ASAP1: variants seen among roughly 807,000 people sequenced by gnomAD.
The protein encoded by ASAP1 is arf-GAP with SH3 domain, ANK repeat and PH domain-containing protein 1.
Under a neutral mutation model 145.2 loss-of-function variants are expected in ASAP1, and 43 were observed. That is an observed-to-expected ratio of 0.30 (90% CI 0.23 to 0.38). The LOEUF (loss-of-function observed/expected upper bound fraction) is 0.38, where lower values mean the gene tolerates loss of function less well. Ranked by LOEUF, ASAP1 falls within the 10% of genes least tolerant of loss-of-function variation. The probability of loss-of-function intolerance (pLI) is 1.00; values close to 1 mark genes in which losing one functional copy is unlikely to be tolerated. For missense variants in ASAP1, 1,018 were observed against 1,355.3 expected, an observed-to-expected ratio of 0.75 and a Z score of 3.91; for synonymous variants, 546 against 515.5, an observed-to-expected ratio of 1.06 and a Z score of -0.80.
chr8:130,159,979 C>G lies in ASAP1; in HGVS notation c.910-15G>C. The G allele has an allele frequency of 2.5e-6, 4 of 1,605,894 alleles. No homozygotes were observed. Among genetic ancestry groups the G allele is most frequent in the Non-Finnish European group, 3.4e-6 (4 of 1,172,586 alleles). ...CTCTGAGAATCCTAGGAAAGAAAAA[C>G]TACAGATTAAACAAAAACTAGAGAC... On this transcript the variant is annotated splice_polypyrimidine_tract_variant and intron_variant, in intron 11 of 29. Transcript: ENST00000518721.
intron 1 of ASAP1, among the ~76,000 whole-genome samples, chr8:130,411,049 C>T (rs1218448813): frequency 7.2e-5 from 11 of 152,126 alleles, no homozygotes; most frequent in African/African-American, 9.7e-5. Flanking sequence ...TGAGTAGAGA[C>T]GGGGTTTTGC....
intron 3 of ASAP1, among the ~76,000 whole-genome samples, chr8:130,343,349 CAG>C (rs1825508379): frequency 6.6e-6 from 1 of 152,186 alleles, no homozygotes; most frequent in African/African-American, 2.4e-5. Context: ...GTCTGCTAAG[CAG>C]AGAGTTTGAA....
chr8:130,417,259 G>A (rs1169204802), intron 1 of ASAP1, among the ~76,000 whole-genome samples: 1 of 152,112 alleles, frequency 6.6e-6, no homozygotes, highest in Non-Finnish European at 1.5e-5. Context: ...TACAACCCAA[G>A]TCCAACTGCA....
intron 2 of ASAP1, among the ~76,000 whole-genome samples, chr8:130,393,743 G>A (rs150195168): frequency 0.028 from 4,217 of 152,312 alleles, 60 homozygotes; most frequent in African/African-American, 0.045. Context: ...GTGACAGAGC[G>A]AGACTCTGTG....
chr8:130,422,627 G>T (rs1829766657), intron 1 of ASAP1, among the ~76,000 whole-genome samples: 1 of 152,090 alleles, frequency 6.6e-6, no homozygotes, highest in South Asian at 2.1e-4. Flanking sequence ...CTCTCCCATG[G>T]ATCAGCCTCT....
intron 3 of ASAP1, among the ~76,000 whole-genome samples, chr8:130,318,575 C>T (rs1000979968): frequency 3.3e-5 from 5 of 152,142 alleles, no homozygotes; most frequent in Non-Finnish European, 5.9e-5. Flanking sequence ...AATGACACAG[C>T]GAATTAAAAC....
chr8:130,224,491 A>G (rs1326148113), intron 4 of ASAP1, among the ~76,000 whole-genome samples: 1 of 152,184 alleles, frequency 6.6e-6, no homozygotes, highest in African/African-American at 2.4e-5. Context: ...TAAGATAAGC[A>G]AAGTTAATAA....
intron 13 of ASAP1, among the ~76,000 whole-genome samples, chr8:130,145,916 A>G (rs1234997173): frequency 1.4e-5 from 2 of 144,802 alleles, no homozygotes; most frequent in African/African-American, 5.2e-5. Context: ...ATCTCGGCTC[A>G]TTGCAACCTC....
intron 25 of ASAP1, chr8:130,083,865 C>T (rs532324918): frequency 6.6e-6 from 1 of 152,346 alleles, no homozygotes; most frequent in South Asian, 2.1e-4. Flanking sequence ...ATCATCTCAG[C>T]TCACTGCAAC....
chr8:130,400,455 A>G (rs1374613451), intron 2 of ASAP1, among the ~76,000 whole-genome samples: 1 of 151,462 alleles, frequency 6.6e-6, no homozygotes, highest in Non-Finnish European at 1.5e-5. Flanking sequence ...GGAATAAATC[A>G]TATCTCTACC....
At chr8:130,403,131 G>T (rs932129474) in intron 1 of ASAP1, among the ~76,000 whole-genome samples, 3 of 151,880 alleles carry the variant, frequency 2.0e-5, no homozygotes, top group African/African-American at 7.3e-5. Context: ...AAATATTACC[G>T]CATGGATTTC....
chr8:130,415,542 C>A (rs1480835957), intron 1 of ASAP1, among the ~76,000 whole-genome samples: 2 of 152,104 alleles, frequency 1.3e-5, no homozygotes, highest in Non-Finnish European at 2.9e-5. Context: ...AATCCCAGCA[C>A]TTTGGGAGGC....
At position 130,340,592 on chromosome 8, in the gene ASAP1, G is replaced by A. The variant is rs542338733; in HGVS notation, c.186+17425C>T. 2.0e-3 allele frequency among the ~76,000 whole-genome samples: 308 copies of A among 152,292 alleles called. 2 individuals are homozygous for A. The highest frequency in any genetic ancestry group is 7.1e-3 in the African/African-American group (297 of 41,568). On this transcript the variant is annotated intron_variant, in intron 3 of 29. Coordinates refer to ENST00000518721, the MANE Select transcript of ASAP1 (RefSeq NM_018482.4). Reference sequence around the variant, plus strand: ...ATACTTAAACTTTGAATTTAAAAATGTTCATTCCACATCTCCTTTTTAAAA... The same window carrying A: ...ATACTTAAACTTTGAATTTAAAAATATTCATTCCACATCTCCTTTTTAAAA...
intron 24 of ASAP1, among the ~76,000 whole-genome samples, chr8:130,096,251 C>T (rs995560576): frequency 6.6e-6 from 1 of 152,092 alleles, no homozygotes; most frequent in African/African-American, 2.4e-5. Context: ...TAACCAGTCC[C>T]ACAGCATTAA....
intron 5 of ASAP1, among the ~76,000 whole-genome samples, chr8:130,194,466 A>G (rs1389056819): frequency 2.0e-5 from 3 of 152,174 alleles, no homozygotes; most frequent in Non-Finnish European, 4.4e-5. Context: ...TGTGCCACGA[A>G]GATGGAGTAT....
intron 3 of ASAP1, among the ~76,000 whole-genome samples, chr8:130,272,110 G>T (rs1820620209): frequency 6.6e-6 from 1 of 152,052 alleles, no homozygotes; most frequent in Non-Finnish European, 1.5e-5. Context: ...GCTGCAGTGA[G>T]GTGTGATCAC....
intron 24 of ASAP1, among the ~76,000 whole-genome samples, chr8:130,105,626 A>C (rs2097535692): frequency 6.6e-6 from 1 of 152,222 alleles, no homozygotes; most frequent in Non-Finnish European, 1.5e-5. Flanking sequence ...AAAGAGTGGA[A>C]AGCTTAAGTT....
At chr8:130,211,091 C>T (rs1267608017) in intron 5 of ASAP1, among the ~76,000 whole-genome samples, 1 of 152,162 alleles carries the variant, frequency 6.6e-6, no homozygotes, top group Non-Finnish European at 1.5e-5. Flanking sequence ...GGACCAAAAC[C>T]CATGATCCTC....
At chr8:130,406,699 T>C (rs1227999076) in intron 1 of ASAP1, among the ~76,000 whole-genome samples, 4 of 152,116 alleles carry the variant, frequency 2.6e-5, no homozygotes, top group Admixed American at 1.3e-4. Flanking sequence ...ACCAGGATGA[T>C]CTCGAACTCC....
Sources: allele counts gnomAD v4.1 joint callset (sites outside exome capture counted in the v4.1 genomes callset), GRCh38; gene constraint gnomAD v4.1.1; transcripts MANE v1.5; gene names NCBI Gene and HGNC (gene_info 2026-07-23, HGNC 2026-07-21).